Variants in CCDC68 observed in about 807,000 individuals in gnomAD.
The protein encoded by CCDC68 is coiled-coil domain-containing protein 68.
In CCDC68, 45 loss-of-function variants were observed where a neutral mutation model predicts 47.1. The ratio of observed to expected loss-of-function variants is 0.96; its 90% confidence interval spans 0.75 to 1.23. The LOEUF is 1.23. Among genes scored for constraint, CCDC68 ranks in the 50% most tolerant of loss-of-function variants. The pLI, the probability that CCDC68 is intolerant of heterozygous loss-of-function variation, is 0.00. For missense variants in CCDC68, 353 were observed against 373.6 expected (o/e 0.94, Z 0.45); for synonymous variants, 131 against 129.5 (o/e 1.01, Z -0.08).
In CCDC68 at chr18:54,918,006, A is replaced by G. The variant is rs998733206; in HGVS notation, c.790-10T>C. 3 of 1,240,060 alleles carry G rather than the reference A, an allele frequency of 2.4e-6. No homozygotes were observed. The highest frequency in any genetic ancestry group is 1.9e-5 in the Admixed American group (1 of 51,622). 76.8% of individuals were successfully genotyped at this position (1,240,060 alleles called of 1,614,324 possible). ...TTTTTAATCCTTCCATCTAAGAATT[A>G]GAAAACACAATAGGAAAAACCTTGT... On this transcript the variant is annotated splice_polypyrimidine_tract_variant and intron_variant, in intron 9 of 11. Transcript: ENST00000591504.
rs1026805239 is a variant in CCDC68, at chr18:54,938,155, C to T, written c.205-58G>A. ...CTATCTTTTCCTCTACAAACTTTGA[C>T]AACAATAATGATCATTTAGTATTAC... On this transcript the variant is annotated intron_variant, in intron 4 of 11. Coordinates refer to ENST00000591504, the MANE Select transcript of CCDC68 (RefSeq NM_025214.3). The T allele has an allele frequency of 1.4e-5, 21 of 1,530,698 alleles. No individual in the cohort carries two copies. In the African/African-American group the frequency reaches 1.7e-4, roughly 12 times the overall value. The allele number at this position is 1,530,698 out of a possible 1,614,324, so 94.8% of individuals were successfully genotyped here.
At chr18:54,919,994 A>G (rs931647072) in intron 8 of CCDC68, among the ~76,000 whole-genome samples, 10 of 152,224 alleles carry the variant, frequency 6.6e-5, no homozygotes, top group African/African-American at 2.2e-4. Flanking sequence ...GTCCACATCC[A>G]TCATTATGGA....
At chr18:54,907,639 C>T (rs1462659049) in intron 11 of CCDC68, 147 bp downstream of exon 11, 2 of 578,544 alleles carry the variant, frequency 3.5e-6, no homozygotes, top group Admixed American at 3.0e-5. Flanking sequence ...ACAAGATTAA[C>T]ACAGTTCTGA....
intron 7 of CCDC68, among the ~76,000 whole-genome samples, chr18:54,933,435 C>T (rs1238579729): frequency 2.6e-5 from 4 of 152,186 alleles, no homozygotes; most frequent in Non-Finnish European, 4.4e-5. Context: ...TGACCAATAT[C>T]ACTGGGTTTG....
intron 1 of CCDC68, among the ~76,000 whole-genome samples, chr18:54,954,980 A>G (rs2044687033): frequency 7.3e-6 from 1 of 137,674 alleles, no homozygotes; most frequent in Admixed American, 7.8e-5. Flanking sequence ...TTCTTTTCAA[A>G]TTGTAGATGT....
At chr18:54,952,169 T>A (rs1462500867) in intron 1 of CCDC68, among the ~76,000 whole-genome samples, 1 of 152,196 alleles carries the variant, frequency 6.6e-6, no homozygotes, top group African/African-American at 2.4e-5. Flanking sequence ...CCTCCTGATT[T>A]GAACTTCTCT....
chr18:54,937,736 C>T, intron 5 of CCDC68: 1 of 378,994 alleles, frequency 2.6e-6, no homozygotes, highest in East Asian at 4.9e-5. Context: ...AACTGTTGAA[C>T]TTTTGTAAGA....
chr18:54,903,870 T>A lies in CCDC68; in HGVS notation c.*488A>T, dbSNP rs1363137320. 6.6e-6 allele frequency: 1 copy of A among 152,570 alleles called. No homozygotes were observed. The highest frequency in any genetic ancestry group is 2.4e-5 in the African/African-American group (1 of 41,452). The allele number at this position is 152,570 out of a possible 1,614,324, so 9.5% of individuals were successfully genotyped here. A position where few individuals can be genotyped will look rare whatever the true frequency, so the allele number is the denominator to read the frequency against. On this transcript the variant is annotated 3_prime_UTR_variant, in exon 12 of 12. Transcript: ENST00000591504. ...GAGATGAACTTATGTCACTGTACGA[T>A]CTTTCCTATCATCCAAAAGTTAACT...
Position 54,904,083 on chromosome 18 carries a change from GAT to G in CCDC68, c.*273_*274del, listed in dbSNP as rs1913837410. ...AAAAAAAATCTGAAAACAAGATTCA[GAT>G]TTTTTTTTTTTTTTAATTTAAAGCA... On this transcript the variant is annotated 3_prime_UTR_variant, in exon 12 of 12. Coordinates refer to ENST00000591504, the MANE Select transcript of CCDC68 (RefSeq NM_025214.3). The G allele has an allele frequency of 1.3e-5, 2 of 159,300 alleles. No homozygotes were observed. The highest frequency in any genetic ancestry group is 1.0e-5 in the Non-Finnish European group (1 of 97,556). The allele number at this position is 159,300 out of a possible 1,614,324, so 9.9% of individuals were successfully genotyped here.
intron 9 of CCDC68, among the ~76,000 whole-genome samples, chr18:54,918,970 A>G (rs2044005511): frequency 6.6e-6 from 1 of 152,206 alleles, no homozygotes; most frequent in Non-Finnish European, 1.5e-5. Context: ...CCTGATCTAC[A>G]AAATTGTCTA....
At chr18:54,909,507 G>A (rs1238807574) in intron 10 of CCDC68, among the ~76,000 whole-genome samples, 1 of 151,786 alleles carries the variant, frequency 6.6e-6, no homozygotes, top group Non-Finnish European at 1.5e-5. Flanking sequence ...TGGCGCCTTT[G>A]CCAGAGTTTT....
At position 54,904,110 on chromosome 18, in the gene CCDC68, A is replaced by T; in HGVS notation, c.*248T>A. On this transcript the variant is annotated 3_prime_UTR_variant, in exon 12 of 12. Transcript: ENST00000591504. ...TTTTTTTTTTTTTTTAATTTAAAGC[A>T]GAATCTGTCTTCCATCATGAGAAGG... The T allele has an allele frequency of 2.9e-6, 1 of 339,954 alleles. No individual in the cohort carries two copies. Among genetic ancestry groups the T allele is most frequent in the African/African-American group, 2.1e-5 (1 of 46,672 alleles). 21.1% of individuals were successfully genotyped at this position (339,954 alleles called of 1,614,324 possible). A position where few individuals can be genotyped will look rare whatever the true frequency, so the allele number is the denominator to read the frequency against.
chr18:54,944,013 G>A (rs1023487820), intron 2 of CCDC68, among the ~76,000 whole-genome samples: 5 of 151,864 alleles, frequency 3.3e-5, no homozygotes, highest in African/African-American at 9.7e-5. Context: ...AAAATTAGCT[G>A]GGCATGGTGC....
chr18:54,918,053 T>TTAAG, intron 9 of CCDC68, 57 bp from the exon 10 acceptor site: 1 of 721,486 alleles, frequency 1.4e-6, no homozygotes, highest in Non-Finnish European at 2.3e-6. Context: ...AAATAGTTAC[T>TTAAG]TAAGTCAGAA....
At chr18:54,942,411 T>G (rs1462118886) in intron 3 of CCDC68, among the ~76,000 whole-genome samples, 2 of 152,170 alleles carry the variant, frequency 1.3e-5, no homozygotes, top group African/African-American at 4.8e-5. Flanking sequence ...TAAGTGCTGA[T>G]AGGTGTTCTG....
chr18:54,908,663 T>C (rs1277413855), intron 10 of CCDC68, among the ~76,000 whole-genome samples: 1 of 152,202 alleles, frequency 6.6e-6, no homozygotes, highest in African/African-American at 2.4e-5. Flanking sequence ...CGTCAAGTGC[T>C]CAGCTAGTGC....
At chr18:54,917,686 T>C (rs913911065) in intron 10 of CCDC68, among the ~76,000 whole-genome samples, 5 of 151,858 alleles carry the variant, frequency 3.3e-5, no homozygotes, top group Admixed American at 6.6e-5. Flanking sequence ...CAGAGACACA[T>C]GCACATACAC....
At chr18:54,940,732 T>A (rs1479216917) in intron 4 of CCDC68, among the ~76,000 whole-genome samples, 2 of 152,272 alleles carry the variant, frequency 1.3e-5, no homozygotes. Flanking sequence ...GTTGCTGTCA[T>A]GGATCTTGGC....
intron 1 of CCDC68, among the ~76,000 whole-genome samples, chr18:54,950,803 T>TATATATATATATA (rs35471289): frequency 1.3e-4 from 11 of 87,174 alleles, no homozygotes; most frequent in Admixed American, 2.2e-4. Flanking sequence ...TATATATATA[T>TATATATATATATA]GATGCAATAA....
Sources: gnomAD v4.1 joint callset for allele counts (sites outside exome capture counted in the v4.1 genomes callset) on GRCh38, gnomAD v4.1.1 for gene constraint, MANE v1.5 for transcripts, NCBI Gene and HGNC (gene_info 2026-07-23, HGNC 2026-07-21) for gene names.